The following C10orf90 variants were observed in gnomAD, a reference collection of about 807,000 sequenced individuals.
C10orf90 encodes (E2-independent) E3 ubiquitin-conjugating enzyme FATS.
A neutral mutation model predicts 62.5 loss-of-function variants in C10orf90; 56 were observed. That is an observed-to-expected ratio of 0.90 (90% CI 0.72 to 1.12). The LOEUF (loss-of-function observed/expected upper bound fraction) is 1.12, where lower values mean the gene tolerates loss of function less well. C10orf90 is among the 50% of genes most tolerant of loss of function. C10orf90 has a pLI of 0.00. For missense variants in C10orf90, 970 were observed against 880.4 expected (o/e 1.10, Z -1.29); for synonymous variants, 386 against 340.4 (o/e 1.13, Z -1.47).
At chr10:126,560,619 G>A (rs1442995333) in intron 2 of C10orf90, among the ~76,000 whole-genome samples, 1 of 152,146 alleles carries the variant, frequency 6.6e-6, no homozygotes, top group African/African-American at 2.4e-5. Context: ...TTTAGTGACG[G>A]CAGAGGAACC....
Position 126,425,552 on chromosome 10 carries a change from G to C in C10orf90, c.*312C>G. 2.7e-6 allele frequency: 1 copy of C among 371,480 alleles called. No individual in the cohort carries two copies. Among genetic ancestry groups the C allele is most frequent in the Non-Finnish European group, 4.8e-6 (1 of 209,078 alleles). 23.0% of individuals were successfully genotyped at this position (371,480 alleles called of 1,614,324 possible). A position where few individuals can be genotyped will look rare whatever the true frequency, so the allele number is the denominator to read the frequency against. ...TGTATCAGGCCTCTCTGATGGGCAG[G>C]AAACAGCAGGGGAGAAGAAATCAGA... On this transcript the variant is annotated 3_prime_UTR_variant, in exon 10 of 10. Transcript: ENST00000488181.
intron 7 of C10orf90, among the ~76,000 whole-genome samples, chr10:126,431,473 G>A (rs1158926171): frequency 6.6e-6 from 1 of 152,184 alleles, no homozygotes; most frequent in Admixed American, 6.5e-5. Context: ...CCAGGTCAGA[G>A]CCAAGGGCCA....
chr10:126,506,901 C>T (rs1225767925), intron 3 of C10orf90, among the ~76,000 whole-genome samples: 3 of 150,322 alleles, frequency 2.0e-5, no homozygotes, highest in Admixed American at 2.0e-4. Flanking sequence ...GGCAAGTCCA[C>T]ATGGCTGCAG....
intron 2 of C10orf90, among the ~76,000 whole-genome samples, chr10:126,630,776 G>A (rs1321377161): frequency 6.6e-6 from 1 of 152,172 alleles, no homozygotes; most frequent in African/African-American, 2.4e-5. Context: ...GATCTATTAA[G>A]AGGATGAAGT....
intron 2 of C10orf90, among the ~76,000 whole-genome samples, chr10:126,569,252 A>G (rs1426447305): frequency 1.3e-5 from 2 of 152,292 alleles, no homozygotes; most frequent in South Asian, 2.1e-4. Context: ...TGGAGTCCCA[A>G]GAGAACCTCT....
chr10:126,546,043 T>G (rs971910912), intron 2 of C10orf90, among the ~76,000 whole-genome samples: 1 of 152,110 alleles, frequency 6.6e-6, no homozygotes, highest in Non-Finnish European at 1.5e-5. Context: ...TTTTGTCTCA[T>G]GCATCTCAGA....
intron 7 of C10orf90, among the ~76,000 whole-genome samples, chr10:126,435,897 A>G (rs1394205833): frequency 6.6e-6 from 1 of 152,096 alleles, no homozygotes; most frequent in Non-Finnish European, 1.5e-5. Flanking sequence ...CTCAGCCCCT[A>G]ATATCCCTGC....
intron 7 of C10orf90, among the ~76,000 whole-genome samples, chr10:126,455,328 G>A (rs1406135130): frequency 6.6e-6 from 1 of 152,054 alleles, no homozygotes; most frequent in Non-Finnish European, 1.5e-5. Flanking sequence ...CACCCACCCT[G>A]CCCTATTGGC....
intron 7 of C10orf90, among the ~76,000 whole-genome samples, chr10:126,447,578 A>T (rs1381130377): frequency 6.6e-6 from 1 of 152,180 alleles, no homozygotes; most frequent in African/African-American, 2.4e-5. Flanking sequence ...ACAATACAAT[A>T]GTAGTGGAAG....
intron 1 of C10orf90, among the ~76,000 whole-genome samples, chr10:126,652,620 C>G (rs746827622): frequency 3.9e-5 from 6 of 152,200 alleles, no homozygotes; most frequent in Non-Finnish European, 8.8e-5. Context: ...CAGGTGACTT[C>G]AGCTCCCTGT....
intron 7 of C10orf90, among the ~76,000 whole-genome samples, chr10:126,446,704 TAAAAGTAAGTACACAGTCAA>T (rs1429122462): frequency 1.3e-5 from 2 of 152,242 alleles, no homozygotes; most frequent in Middle Eastern, 3.4e-3. Flanking sequence ...AACTTACTTG[TAAAAGTAAGTACACAGTCAA>T]ATTCAGAATA....
chr10:126,531,072 G>T lies in C10orf90; in HGVS notation c.314-17133C>A, dbSNP rs183070257. On this transcript the variant is annotated intron_variant, in intron 2 of 9. Transcript: ENST00000488181. ...GCCTGTAATCCCAGCTACTCAGGAG[G>T]CTGAGGCAGGAGAATTGCTTCAACC... is the stretch of plus-strand genomic sequence containing the variant. 3.9e-5 allele frequency among the ~76,000 whole-genome samples: 6 copies of T among 151,982 alleles called. No homozygotes were observed. The East Asian group carries it at 1.2e-3, about 29-fold the overall frequency.
chr10:126,568,661 G>A (rs1168117639), intron 2 of C10orf90, among the ~76,000 whole-genome samples: 3 of 152,148 alleles, frequency 2.0e-5, no homozygotes, highest in Non-Finnish European at 2.9e-5. Context: ...ATTGTGCAGG[G>A]CTTGTACCCA....
chr10:126,657,719 G>A (rs558858704), intron 1 of C10orf90, among the ~76,000 whole-genome samples: 17 of 150,858 alleles, frequency 1.1e-4, no homozygotes, highest in African/African-American at 3.9e-4. Flanking sequence ...GGGTTCAAAT[G>A]ATTCTCCTGC....
intron 4 of C10orf90, among the ~76,000 whole-genome samples, chr10:126,494,741 T>C (rs1861950496): frequency 6.6e-6 from 1 of 152,184 alleles, no homozygotes; most frequent in African/African-American, 2.4e-5. Flanking sequence ...AATGGACCAG[T>C]TTATATACTT....
chr10:126,612,273 A>G (rs955769793), intron 2 of C10orf90, among the ~76,000 whole-genome samples: 1 of 151,832 alleles, frequency 6.6e-6, no homozygotes, highest in Non-Finnish European at 1.5e-5. Flanking sequence ...GTGAGCCGAG[A>G]TCACACCACC....
chr10:126,548,815 G>C (rs780180536), intron 2 of C10orf90, among the ~76,000 whole-genome samples: 5 of 151,314 alleles, frequency 3.3e-5, no homozygotes, highest in Admixed American at 6.6e-5. Context: ...TGCTGGCAGA[G>C]GGACAGACCC....
At chr10:126,566,720 A>C (rs1844398232) in intron 2 of C10orf90, among the ~76,000 whole-genome samples, 1 of 152,196 alleles carries the variant, frequency 6.6e-6, no homozygotes, top group Non-Finnish European at 1.5e-5. Flanking sequence ...ATGGAGGACC[A>C]CAGGTGCTGA....
In C10orf90 at chr10:126,469,115, A is replaced by G. The variant is rs184451887; in HGVS notation, c.1535-4129T>C. On this transcript the variant is annotated intron_variant, in intron 4 of 9. Coordinates refer to ENST00000488181, the MANE Select transcript of C10orf90 (RefSeq NM_001350921.2). ...ACAGCAAGACTGTCAGTCACATCTCAAAGGAAGAGTAAGAAAACTATGAAA... is the reference window on the plus strand; with the variant it reads ...ACAGCAAGACTGTCAGTCACATCTCGAAGGAAGAGTAAGAAAACTATGAAA... Among the ~76,000 whole-genome samples the G allele has an allele frequency of 1.5e-4, 23 of 152,284 alleles. No individual in the cohort carries two copies. The East Asian group carries it at 4.5e-3, about 29-fold the overall frequency.
Sources: allele counts gnomAD v4.1 joint callset (sites outside exome capture counted in the v4.1 genomes callset), GRCh38; gene constraint gnomAD v4.1.1; transcripts MANE v1.5; gene names NCBI Gene and HGNC (gene_info 2026-07-23, HGNC 2026-07-21).